Variants in LPP observed in about 807,000 individuals in gnomAD.
The protein encoded by LPP is LIM domain containing preferred translocation partner in lipoma.
A neutral mutation model predicts 60.4 loss-of-function variants in LPP; 38 were observed. The observed-to-expected ratio is 0.63, with a 90% CI of 0.49 to 0.83. LPP has a LOEUF of 0.83. Ranked by LOEUF, LPP falls within the 40% of genes least tolerant of loss-of-function variation. The pLI is 0.00. For synonymous variants in LPP, 328 were observed against 290.8 expected, an observed-to-expected ratio of 1.13 and a Z score of -1.30; for missense variants, 902 against 783.6, an observed-to-expected ratio of 1.15 and a Z score of -1.80.
intron 8 of LPP, among the ~76,000 whole-genome samples, chr3:188,729,221 A>G (rs536124892): frequency 2.3e-4 from 35 of 152,358 alleles, no homozygotes; most frequent in Middle Eastern, 3.4e-3. Context: ...GTTACTTCCT[A>G]ACAGAACTTC....
intron 6 of LPP, among the ~76,000 whole-genome samples, chr3:188,560,459 AG>A (rs1338291889): frequency 5.3e-5 from 8 of 152,120 alleles, no homozygotes; most frequent in Admixed American, 3.3e-4. Context: ...TACGTAATGT[AG>A]TTTAGGAGAA....
At chr3:188,240,230 T>C (rs543687788) in intron 2 of LPP, 2 of 176,480 alleles carry the variant, frequency 1.1e-5, no homozygotes, top group African/African-American at 4.7e-5. Flanking sequence ...TAAAAATCCT[T>C]TTGGTATCAA....
chr3:188,597,122 T>G (rs1003452365), intron 6 of LPP, among the ~76,000 whole-genome samples: 2 of 152,226 alleles, frequency 1.3e-5, no homozygotes, highest in African/African-American at 4.8e-5. Context: ...GTTCTAATCC[T>G]GACCCTCTGA....
At chr3:188,771,563 AAAAGAAAGAAAGAAAGAAAGGG>A (rs1736019858) in intron 9 of LPP, among the ~76,000 whole-genome samples, 1 of 95,174 alleles carries the variant, frequency 1.1e-5, no homozygotes. Context: ...AAAAAAAAAA[AAAAGAAAGAAAGAAAGAAAGGG>A]AGAAAGAAAG....
At chr3:188,321,599 T>G (rs1756977239) in intron 2 of LPP, among the ~76,000 whole-genome samples, 1 of 152,208 alleles carries the variant, frequency 6.6e-6, no homozygotes, top group Admixed American at 6.5e-5. Context: ...TTGCTTGGAC[T>G]GGAGAAAAAT....
chr3:188,651,146 C>T (rs1327095561), intron 7 of LPP, among the ~76,000 whole-genome samples: 2 of 152,206 alleles, frequency 1.3e-5, no homozygotes, highest in African/African-American at 2.4e-5. Context: ...TCCCTTTCAA[C>T]TTCAACCAGT....
chr3:188,411,647 T>C (rs1341922571), intron 4 of LPP, among the ~76,000 whole-genome samples: 1 of 152,146 alleles, frequency 6.6e-6, no homozygotes, highest in Admixed American at 6.6e-5. Flanking sequence ...TAGTGTTGTT[T>C]GTCCTATAAT....
chr3:188,423,414 A>C (rs1025094448), intron 4 of LPP, among the ~76,000 whole-genome samples: 9 of 152,192 alleles, frequency 5.9e-5, no homozygotes, highest in Non-Finnish European at 1.2e-4. Flanking sequence ...ATACGTGTAC[A>C]TGTGTCTTCA....
chr3:188,446,344 C>T (rs1486767022), intron 4 of LPP, among the ~76,000 whole-genome samples: 3 of 152,198 alleles, frequency 2.0e-5, no homozygotes, highest in African/African-American at 2.4e-5. Context: ...CTGCCACTCT[C>T]CAGACGCCGT....
intron 2 of LPP, among the ~76,000 whole-genome samples, chr3:188,286,920 G>GCA (rs1744115525): frequency 6.6e-6 from 1 of 152,122 alleles, no homozygotes; most frequent in Non-Finnish European, 1.5e-5. Context: ...ATATTTTTGA[G>GCA]ATGGGATTTC....
chr3:188,535,428 T>G (rs750562625), intron 6 of LPP, among the ~76,000 whole-genome samples: 1 of 152,206 alleles, frequency 6.6e-6, no homozygotes, highest in African/African-American at 2.4e-5. Context: ...ATGAGAGGCA[T>G]ACAAATTTAT....
intron 9 of LPP, among the ~76,000 whole-genome samples, chr3:188,836,669 G>T (rs1280340504): frequency 6.6e-6 from 1 of 152,148 alleles, no homozygotes; most frequent in African/African-American, 2.4e-5. Context: ...CGTTTAATTG[G>T]TACATGTTTC....
intron 7 of LPP, among the ~76,000 whole-genome samples, chr3:188,684,970 T>G (rs1446244497): frequency 1.3e-5 from 2 of 152,216 alleles, no homozygotes; most frequent in African/African-American, 4.8e-5. Context: ...AGTTAGGTAT[T>G]TATTCATTTA....
chr3:188,374,042 G>A (rs966385700), intron 3 of LPP, among the ~76,000 whole-genome samples: 3 of 152,030 alleles, frequency 2.0e-5, no homozygotes, highest in African/African-American at 7.2e-5. Flanking sequence ...ATTTCTGAGG[G>A]CTCTGTTCTG....
At chr3:188,533,621 T>G (rs1433180951) in intron 6 of LPP, among the ~76,000 whole-genome samples, 1 of 152,238 alleles carries the variant, frequency 6.6e-6, no homozygotes, top group African/African-American at 2.4e-5. Context: ...TGTAGAAACC[T>G]CTGGTATGTG....
intron 7 of LPP, among the ~76,000 whole-genome samples, chr3:188,669,102 G>A (rs1856409793): frequency 6.6e-6 from 1 of 152,142 alleles, no homozygotes; most frequent in Admixed American, 6.5e-5. Context: ...TCAGAAAATT[G>A]AGAAGGGAAG....
At chr3:188,438,551 C>T (rs1326532963) in intron 4 of LPP, among the ~76,000 whole-genome samples, 1 of 152,164 alleles carries the variant, frequency 6.6e-6, no homozygotes, top group Non-Finnish European at 1.5e-5. Flanking sequence ...CCAGAGCTTA[C>T]TTACACGTGT....
chr3:188,382,900 C>T (rs1374038234), intron 3 of LPP, among the ~76,000 whole-genome samples: 3 of 152,172 alleles, frequency 2.0e-5, no homozygotes, highest in Non-Finnish European at 4.4e-5. Context: ...AGGTGGATGT[C>T]TCCTGAAGTT....
chr3:188,153,577 C>T (rs1475667841), upstream of LPP: 1 of 152,408 alleles, frequency 6.6e-6, no homozygotes, highest in African/African-American at 2.4e-5. Flanking sequence ...AAAGTCTCCA[C>T]ATCTCCCTCT....
Sources: gnomAD v4.1 joint callset for allele counts (sites outside exome capture counted in the v4.1 genomes callset) on GRCh38, gnomAD v4.1.1 for gene constraint, MANE v1.5 for transcripts, NCBI Gene and HGNC (gene_info 2026-07-23, HGNC 2026-07-21) for gene names.